Variants in FYB2 observed in about 807,000 individuals in gnomAD.
FYB2 encodes FYN-binding protein 2.
Under a neutral mutation model 94.1 loss-of-function variants are expected in FYB2, and 103 were observed. That is an observed-to-expected ratio of 1.09 (90% CI 0.93 to 1.29). The LOEUF (loss-of-function observed/expected upper bound fraction) is 1.29, where lower values mean the gene tolerates loss of function less well. Ranked by LOEUF, FYB2 falls within the 50% of genes most tolerant of loss-of-function variation. The probability of loss-of-function intolerance (pLI) is 0.00; values close to 1 mark genes in which losing one functional copy is unlikely to be tolerated. For missense variants in FYB2, 896 were observed against 841.5 expected, an observed-to-expected ratio of 1.06 and a Z score of -0.80; for synonymous variants, 293 against 287.9, an observed-to-expected ratio of 1.02 and a Z score of -0.18.
intron 1 of FYB2, among the ~76,000 whole-genome samples, chr1:56,801,852 G>A (rs981004628): frequency 2.6e-5 from 4 of 152,206 alleles, no homozygotes; most frequent in Admixed American, 2.6e-4. Context: ...ACTTGGGTAT[G>A]TGTAAAAGGC....
At chr1:56,796,519 C>G (rs1279987847) in intron 1 of FYB2, among the ~76,000 whole-genome samples, 2 of 152,136 alleles carry the variant, frequency 1.3e-5, no homozygotes, top group East Asian at 3.9e-4. Flanking sequence ...CCCCTGTAAT[C>G]CACCATTTAC....
intron 1 of FYB2, among the ~76,000 whole-genome samples, chr1:56,805,783 C>T (rs1284861522): frequency 6.6e-6 from 1 of 152,180 alleles, no homozygotes; most frequent in Non-Finnish European, 1.5e-5. Context: ...GTGTGCTCCC[C>T]TGCATAAATT....
rs1646278612 is a variant in FYB2, at chr1:56,792,037, T to C, written c.757+19A>G. 2 of 1,551,306 alleles carry C rather than the reference T, an allele frequency of 1.3e-6. No individual in the cohort carries two copies. Among genetic ancestry groups the C allele is most frequent in the Admixed American group, 4.1e-5 (2 of 48,518 alleles). On this transcript the variant is annotated intron_variant, in intron 2 of 19. Coordinates refer to ENST00000343433, the MANE Select transcript of FYB2 (RefSeq NM_001004303.5). ...TGACACCTCCCTAGCCCCTGTCCCATGGGGATCACGTTTGTTACCTGGGGC... is the reference window on the plus strand; with the variant it reads ...TGACACCTCCCTAGCCCCTGTCCCACGGGGATCACGTTTGTTACCTGGGGC...
chr1:56,796,584 G>A (rs995359687), intron 1 of FYB2, among the ~76,000 whole-genome samples: 1 of 152,100 alleles, frequency 6.6e-6, no homozygotes, highest in South Asian at 2.1e-4. Flanking sequence ...AGTCCCTTAC[G>A]TGTTTTAAAA....
At chr1:56,762,195 G>C (rs961184395) in intron 5 of FYB2, among the ~76,000 whole-genome samples, 6 of 151,950 alleles carry the variant, frequency 3.9e-5, no homozygotes, top group African/African-American at 1.2e-4. Flanking sequence ...ATTGTTTTTA[G>C]GTATTCTAAC....
intron 4 of FYB2, among the ~76,000 whole-genome samples, chr1:56,770,691 G>A (rs1645733291): frequency 6.6e-6 from 1 of 151,948 alleles, no homozygotes; most frequent in Non-Finnish European, 1.5e-5. Flanking sequence ...GCATTCCAGG[G>A]AGATAAACGC....
At chr1:56,734,942 A>G (rs1644798896) in intron 15 of FYB2, among the ~76,000 whole-genome samples, 1 of 152,130 alleles carries the variant, frequency 6.6e-6, no homozygotes, top group Non-Finnish European at 1.5e-5. Flanking sequence ...GGCATTCATC[A>G]AAAGGACAAA....
In FYB2 at chr1:56,742,180, T is replaced by G; in HGVS notation, c.1585A>C (p.Asn529His). 6.2e-7 allele frequency: 1 copy of G among 1,606,550 alleles called. No homozygotes were observed. Among genetic ancestry groups the G allele is most frequent in the Non-Finnish European group, 8.5e-7 (1 of 1,174,364 alleles). The change falls in exon 12 of 20, where the codon AAC (asparagine) becomes CAC (histidine). Residue 529 changes from asparagine (N) to histidine (H), a missense_variant. Asn to His is a moderately conservative substitution (Grantham distance 68, BLOSUM62 1). Transcript: ENST00000343433. ...ACTCACTCTATCTTTGGGTAGTTGT[T>G]CTTTGTTTTGTAGACATCTTCATAC... is the stretch of plus-strand genomic sequence containing the variant. ...ELYEDVYKTK[N>H]NYPKIDLDGK...
intron 9 of FYB2, among the ~76,000 whole-genome samples, chr1:56,748,244 A>G (rs2100664271): frequency 6.6e-6 from 1 of 152,160 alleles, no homozygotes; most frequent in South Asian, 2.1e-4. Context: ...GAAGCTCTTT[A>G]GTTTAATTAG....
At chr1:56,734,250 CT>C (rs1252892820) in intron 15 of FYB2, among the ~76,000 whole-genome samples, 17 of 151,718 alleles carry the variant, frequency 1.1e-4, no homozygotes, top group African/African-American at 4.1e-4. Context: ...GCTTTTTTTG[CT>C]TTCCATTTTC....
chr1:56,733,366 C>T (rs1030362963), intron 15 of FYB2, among the ~76,000 whole-genome samples: 1 of 151,980 alleles, frequency 6.6e-6, no homozygotes, highest in Non-Finnish European at 1.5e-5. Context: ...TTTTGTTGAT[C>T]TTTTCAAAAA....
intron 1 of FYB2, among the ~76,000 whole-genome samples, chr1:56,817,881 C>T (rs1424911340): frequency 6.6e-6 from 1 of 152,164 alleles, no homozygotes; most frequent in African/African-American, 2.4e-5. Flanking sequence ...CGATGCTTGG[C>T]TTATAGTTGG....
intron 9 of FYB2, among the ~76,000 whole-genome samples, chr1:56,750,505 T>C (rs769960908): frequency 1.3e-5 from 2 of 151,956 alleles, no homozygotes; most frequent in Non-Finnish European, 2.9e-5. Context: ...GAACCTCCTT[T>C]TCTTTTTGTG....
intron 1 of FYB2, among the ~76,000 whole-genome samples, chr1:56,809,822 C>T (rs1015379008): frequency 3.3e-5 from 5 of 152,132 alleles, no homozygotes; most frequent in South Asian, 2.1e-4. Flanking sequence ...CCTACCTCTC[C>T]GAATTCTGAC....
intron 1 of FYB2, among the ~76,000 whole-genome samples, chr1:56,811,232 C>G (rs1646759634): frequency 6.6e-6 from 1 of 152,186 alleles, no homozygotes; most frequent in Admixed American, 6.5e-5. Context: ...AGCACACATT[C>G]TATACGAGTT....
At chr1:56,780,455 G>A (rs1627414) in intron 4 of FYB2, among the ~76,000 whole-genome samples, 1 of 152,032 alleles carries the variant, frequency 6.6e-6, no homozygotes, top group South Asian at 2.1e-4. Context: ...GTAAAGTGTT[G>A]TTTGAATCCT....
chr1:56,818,602 G>C (rs548279190), intron 1 of FYB2, among the ~76,000 whole-genome samples: 1 of 152,218 alleles, frequency 6.6e-6, no homozygotes, highest in South Asian at 2.1e-4. Context: ...CAGGCAAGAC[G>C]TCTCCAACTG....
intron 15 of FYB2, among the ~76,000 whole-genome samples, chr1:56,734,840 A>G (rs2100564197): frequency 6.6e-6 from 1 of 152,206 alleles, no homozygotes; most frequent in Admixed American, 6.6e-5. Context: ...TAAAATGACC[A>G]ATAAACATAT....
chr1:56,805,793 T>C (rs1646632867), intron 1 of FYB2, among the ~76,000 whole-genome samples: 1 of 152,148 alleles, frequency 6.6e-6, no homozygotes, highest in Non-Finnish European at 1.5e-5. Flanking sequence ...CTGCATAAAT[T>C]CTCTCTCTCT....
Sources: allele counts gnomAD v4.1 joint callset (sites outside exome capture counted in the v4.1 genomes callset), GRCh38; gene constraint gnomAD v4.1.1; transcripts MANE v1.5; gene names NCBI Gene and HGNC (gene_info 2026-07-23, HGNC 2026-07-21).